Variants in CNTN5 observed in about 807,000 individuals in gnomAD.
CNTN5 encodes contactin 5.
In CNTN5, 77 loss-of-function variants were observed where a neutral mutation model predicts 129.1. The observed-to-expected ratio is 0.60, with a 90% confidence interval of 0.50 to 0.72. The LOEUF (loss-of-function observed/expected upper bound fraction) is 0.72. Among genes scored for constraint, CNTN5 ranks in the 30% least tolerant of loss-of-function variants. The pLI is 0.00. For missense variants in CNTN5, 1,478 were observed against 1,328.8 expected, an observed-to-expected ratio of 1.11 and a Z score of -1.75; for synonymous variants, 509 against 465.6, an observed-to-expected ratio of 1.09 and a Z score of -1.20.
At chr11:99,044,113 A>C (rs749606442) in intron 1 of CNTN5, among the ~76,000 whole-genome samples, 1 of 152,200 alleles carries the variant, frequency 6.6e-6, no homozygotes, top group Non-Finnish European at 1.5e-5. Flanking sequence ...AGTAACAATC[A>C]AATTCTATTA....
chr11:99,428,339 C>G (rs12146606), intron 2 of CNTN5, among the ~76,000 whole-genome samples: 17,451 of 151,796 alleles, frequency 0.11, 1,236 homozygotes, highest in East Asian at 0.25. Context: ...GTGGGTGGAT[C>G]ACTTGAGCTC....
intron 3 of CNTN5, among the ~76,000 whole-genome samples, chr11:99,688,213 G>GT (rs1953877467): frequency 6.6e-6 from 1 of 152,116 alleles, no homozygotes; most frequent in African/African-American, 2.4e-5. Flanking sequence ...AATGTATTTA[G>GT]TTTTAATAAA....
At chr11:100,001,030 G>T (rs561252629) in intron 8 of CNTN5, among the ~76,000 whole-genome samples, 1 of 152,178 alleles carries the variant, frequency 6.6e-6, no homozygotes, top group Non-Finnish European at 1.5e-5. Flanking sequence ...GATGAGAGGG[G>T]CTGCTATGAA....
intron 3 of CNTN5, among the ~76,000 whole-genome samples, chr11:99,557,829 AGTT>A (rs1204300173): frequency 1.3e-5 from 2 of 151,874 alleles, no homozygotes; most frequent in Admixed American, 1.3e-4. Context: ...CAGTTATATA[AGTT>A]GTTATGTGTT....
chr11:100,164,542 A>C (rs1947563484), intron 13 of CNTN5, among the ~76,000 whole-genome samples: 1 of 151,840 alleles, frequency 6.6e-6, no homozygotes, highest in South Asian at 2.1e-4. Flanking sequence ...GTGAACAACT[A>C]AAGAGAAGTC....
chr11:99,537,824 G>C (rs150454670), intron 2 of CNTN5, among the ~76,000 whole-genome samples: 2,993 of 152,228 alleles, frequency 0.02, 95 homozygotes, highest in African/African-American at 0.067. Flanking sequence ...CAGCTTTCTA[G>C]GGAATAGCAG....
chr11:99,796,200 G>C (rs534164827), intron 3 of CNTN5, among the ~76,000 whole-genome samples: 5 of 152,166 alleles, frequency 3.3e-5, no homozygotes, highest in Admixed American at 6.5e-5. Context: ...CACTTCAGTA[G>C]CAATGGCAGT....
chr11:99,023,384 G>T (rs1241724007), intron 1 of CNTN5, among the ~76,000 whole-genome samples: 5 of 152,176 alleles, frequency 3.3e-5, no homozygotes, highest in Admixed American at 6.5e-5. Flanking sequence ...ACCACTTTCA[G>T]GGTAGAGGTA....
intron 2 of CNTN5, among the ~76,000 whole-genome samples, chr11:99,371,188 T>C (rs767627446): frequency 4.6e-5 from 7 of 152,144 alleles, no homozygotes; most frequent in Non-Finnish European, 7.4e-5. Context: ...GTAAGAAAAG[T>C]TAACTAATAA....
chr11:99,034,302 T>G (rs1195798152), intron 1 of CNTN5, among the ~76,000 whole-genome samples: 2 of 152,050 alleles, frequency 1.3e-5, no homozygotes, highest in Non-Finnish European at 2.9e-5. Flanking sequence ...TTAGGGAGGA[T>G]TCCCTCTTTT....
Position 100,287,735 on chromosome 11 carries a change from A to G in CNTN5, c.2315-9890A>G, listed in dbSNP as rs567671942. Among the ~76,000 whole-genome samples, 407 of 152,338 alleles carry G rather than the reference A, an allele frequency of 2.7e-3. 1 individual carries two copies. Among genetic ancestry groups the G allele is most frequent in the Non-Finnish European group, 4.4e-3 (301 of 68,028 alleles). On this transcript the variant is annotated intron_variant, in intron 18 of 24. Coordinates refer to ENST00000524871, the MANE Select transcript of CNTN5 (RefSeq NM_014361.4). ...AATAACCAGCTAACATCATAATGAC[A>G]GGATCAAATTCACACATAACAATAT...
chr11:99,183,600 T>A (rs931700422), intron 1 of CNTN5, among the ~76,000 whole-genome samples: 2 of 152,148 alleles, frequency 1.3e-5, no homozygotes, highest in Non-Finnish European at 2.9e-5. Context: ...CTGGCAAAAT[T>A]GTCTTCTCTT....
At chr11:99,825,264 G>GT (rs1171710391) in intron 4 of CNTN5, among the ~76,000 whole-genome samples, 1 of 151,856 alleles carries the variant, frequency 6.6e-6, no homozygotes, top group African/African-American at 2.4e-5. Flanking sequence ...TTTTCTATAT[G>GT]TAATTCCTCT....
intron 3 of CNTN5, among the ~76,000 whole-genome samples, chr11:99,572,944 G>A (rs1040269811): frequency 6.6e-6 from 1 of 152,106 alleles, no homozygotes; most frequent in Non-Finnish European, 1.5e-5. Context: ...CAGCATGCGG[G>A]AGAACAGTGG....
chr11:100,317,404 G>A (rs1028336132), intron 21 of CNTN5, among the ~76,000 whole-genome samples: 1 of 152,180 alleles, frequency 6.6e-6, no homozygotes, highest in African/African-American at 2.4e-5. Flanking sequence ...TCCATATGCT[G>A]TGTGGGTAGC....
At chr11:99,547,877 G>A (rs1948352508) in intron 2 of CNTN5, among the ~76,000 whole-genome samples, 1 of 152,128 alleles carries the variant, frequency 6.6e-6, no homozygotes, top group Admixed American at 6.6e-5. Flanking sequence ...AGACTGTCTA[G>A]ATATTAATAT....
At chr11:99,141,450 T>C (rs1038411977) in intron 1 of CNTN5, among the ~76,000 whole-genome samples, 1 of 152,180 alleles carries the variant, frequency 6.6e-6, no homozygotes, top group Non-Finnish European at 1.5e-5. Flanking sequence ...ATCTTATTCA[T>C]TCAAAGAACG....
intron 2 of CNTN5, among the ~76,000 whole-genome samples, chr11:99,444,227 A>G (rs768520372): frequency 5.3e-5 from 8 of 152,112 alleles, no homozygotes; most frequent in Non-Finnish European, 1.2e-4. Context: ...AGAGAAAGAG[A>G]GAGAGAGAAA....
At chr11:99,573,162 C>T (rs568975526) in intron 3 of CNTN5, among the ~76,000 whole-genome samples, 1 of 149,670 alleles carries the variant, frequency 6.7e-6, no homozygotes, top group Non-Finnish European at 1.5e-5. Flanking sequence ...TGGATTCCAC[C>T]CAAGGAGTGT....
Sources: allele counts gnomAD v4.1 joint callset (sites outside exome capture counted in the v4.1 genomes callset), GRCh38; gene constraint gnomAD v4.1.1; transcripts MANE v1.5; gene names NCBI Gene and HGNC (gene_info 2026-07-23, HGNC 2026-07-21).